PDE5A: variants seen among roughly 807,000 people sequenced by gnomAD.
PDE5A encodes cGMP-specific 3',5'-cyclic phosphodiesterase.
A neutral mutation model predicts 110.2 loss-of-function variants in PDE5A; 67 were observed. That is an observed-to-expected ratio of 0.61 (90% CI 0.50 to 0.75). PDE5A has a LOEUF of 0.75. Ranked by LOEUF, PDE5A falls within the 30% of genes least tolerant of loss-of-function variation. The pLI, the probability that PDE5A is intolerant of heterozygous loss-of-function variation, is 0.00. For synonymous variants in PDE5A, 328 were observed against 351.2 expected (o/e 0.93, Z 0.74); for missense variants, 862 against 1,045.1 (o/e 0.82, Z 2.42).
At chr4:119,558,875 C>T (rs1427545257) in intron 7 of PDE5A, among the ~76,000 whole-genome samples, 1 of 139,262 alleles carries the variant, frequency 7.2e-6, no homozygotes, top group Non-Finnish European at 1.5e-5. Context: ...CGAGATCCCG[C>T]CACTGCACTC....
chr4:119,495,772 TCA>T lies in PDE5A; in HGVS notation c.*2827_*2828del. Reference sequence around the variant, plus strand: ...CAATATACTCAATGAGCTCTAAATCTCACATTCACTAGTGATCTGCAAGTGAA... The same window carrying T: ...CAATATACTCAATGAGCTCTAAATCTCATTCACTAGTGATCTGCAAGTGAA... On this transcript the variant is annotated 3_prime_UTR_variant, in exon 21 of 21. Coordinates refer to ENST00000354960, the MANE Select transcript of PDE5A (RefSeq NM_001083.4). The T allele has an allele frequency of 6.6e-6, 1 of 152,176 alleles. No homozygotes were observed. The highest frequency in any genetic ancestry group is 1.5e-5 in the Non-Finnish European group (1 of 68,024). The allele number at this position is 152,176 out of a possible 1,614,324, so 9.4% of individuals were successfully genotyped here. A position where few individuals can be genotyped will look rare whatever the true frequency, so the allele number is the denominator to read the frequency against.
chr4:119,560,094 A>C (rs1727694016), intron 7 of PDE5A, among the ~76,000 whole-genome samples: 1 of 145,932 alleles, frequency 6.9e-6, no homozygotes, highest in South Asian at 2.1e-4. Flanking sequence ...TAAATACTTA[A>C]CAAAGTAACA....
chr4:119,602,390 T>C (rs4264816), intron 2 of PDE5A, among the ~76,000 whole-genome samples: 148,623 of 152,280 alleles, frequency 0.98, 72,629 homozygotes, highest in East Asian at 1. Context: ...GGTCTTGCAA[T>C]TTTTCTGTGA....
intron 13 of PDE5A, 65 bp downstream of exon 13, chr4:119,520,870 T>G: frequency 5.4e-6 from 7 of 1,303,980 alleles, no homozygotes; most frequent in Non-Finnish European, 6.4e-6. Flanking sequence ...ATTGAAAGAA[T>G]ATGCTATAAA....
chr4:119,502,363 C>A, intron 19 of PDE5A: 1 of 361,584 alleles, frequency 2.8e-6, no homozygotes, highest in Non-Finnish European at 5.0e-6. Flanking sequence ...ACAAAGAACA[C>A]TGATACAATA....
At chr4:119,574,636 A>G (rs1342537712) in intron 3 of PDE5A, among the ~76,000 whole-genome samples, 1 of 113,136 alleles carries the variant, frequency 8.8e-6, no homozygotes, top group Admixed American at 1.0e-4. Context: ...TCAAAATTAT[A>G]ACTCTAAGAA....
intron 3 of PDE5A, among the ~76,000 whole-genome samples, chr4:119,595,875 T>C (rs948431975): frequency 4.6e-5 from 7 of 152,200 alleles, no homozygotes; most frequent in African/African-American, 9.6e-5. Flanking sequence ...ATTGGTAATC[T>C]TTTAGACTTC....
At chr4:119,504,397 A>C in intron 18 of PDE5A, 139 bp downstream of exon 18, 1 of 600,408 alleles carries the variant, frequency 1.7e-6, no homozygotes, top group Middle Eastern at 4.5e-4. Context: ...TTATATAATA[A>C]ATGGTGCTGT....
At chr4:119,570,932 T>C (rs1728119767) in intron 3 of PDE5A, among the ~76,000 whole-genome samples, 1 of 152,194 alleles carries the variant, frequency 6.6e-6, no homozygotes, top group Admixed American at 6.5e-5. Context: ...CCTAGTGCTC[T>C]TTTCAAACTT....
chr4:119,516,049 C>G (rs1725897982), intron 14 of PDE5A, among the ~76,000 whole-genome samples: 1 of 152,194 alleles, frequency 6.6e-6, no homozygotes. Context: ...CTAGCCATCA[C>G]CACTATTCCA....
intron 3 of PDE5A, among the ~76,000 whole-genome samples, chr4:119,573,277 G>C (rs1728204729): frequency 6.6e-6 from 1 of 152,152 alleles, no homozygotes; most frequent in Admixed American, 6.5e-5. Flanking sequence ...AAAGATTACA[G>C]AAATTTATAC....
chr4:119,608,774 CA>C (rs1374546592), intron 1 of PDE5A, among the ~76,000 whole-genome samples: 1 of 152,094 alleles, frequency 6.6e-6, no homozygotes, highest in Non-Finnish European at 1.5e-5. Flanking sequence ...TTATACCAAA[CA>C]AAAGTCCAGG....
At chr4:119,510,982 T>C (rs777855999) in intron 15 of PDE5A, 65 bp downstream of exon 15, 1 of 1,020,636 alleles carries the variant, frequency 9.8e-7, no homozygotes, top group Non-Finnish European at 1.5e-6. Context: ...ATCCAAGAAC[T>C]AAAAATAAAA....
intron 3 of PDE5A, among the ~76,000 whole-genome samples, chr4:119,588,475 C>G (rs991904460): frequency 6.0e-5 from 9 of 150,420 alleles, no homozygotes; most frequent in Admixed American, 5.3e-4. Context: ...CCGCGCCTAG[C>G]CTACCTCTCC....
chr4:119,620,623 G>A (rs535264889), intron 1 of PDE5A, among the ~76,000 whole-genome samples: 16 of 152,056 alleles, frequency 1.1e-4, no homozygotes, highest in Non-Finnish European at 1.8e-4. Context: ...AAACAAGTAT[G>A]TTTTGAAGAT....
At chr4:119,508,611 G>C (rs1203293353) in intron 15 of PDE5A, among the ~76,000 whole-genome samples, 1 of 151,940 alleles carries the variant, frequency 6.6e-6, no homozygotes, top group African/African-American at 2.4e-5. Context: ...TGAAATTGTG[G>C]CATGGATCTA....
At position 119,576,131 on chromosome 4, in the gene PDE5A, A is replaced by G. The variant is rs1318589958; in HGVS notation, c.832-8987T>C. 4.0e-5 allele frequency among the ~76,000 whole-genome samples: 4 copies of G among 100,346 alleles called. No homozygotes were observed. The Admixed American group carries it at 4.6e-4, about 12-fold the overall frequency. 65.8% of individuals were successfully genotyped at this position (100,346 alleles called of 152,430 possible). On this transcript the variant is annotated intron_variant, in intron 3 of 20. Coordinates refer to ENST00000354960, the MANE Select transcript of PDE5A (RefSeq NM_001083.4). The stretch of plus-strand genomic sequence containing the variant: ...GTAAAGGGATCAATTCAACAAGAAG[A>G]GCTAACTATCCTAAATATATATGCA...
intron 9 of PDE5A, among the ~76,000 whole-genome samples, chr4:119,547,379 G>A (rs1209345082): frequency 6.6e-6 from 1 of 151,096 alleles, no homozygotes; most frequent in African/African-American, 2.4e-5. Flanking sequence ...TATTGTGTTT[G>A]CCCATTATCT....
chr4:119,559,893 C>T (rs1727686819), intron 7 of PDE5A, among the ~76,000 whole-genome samples: 1 of 152,182 alleles, frequency 6.6e-6, no homozygotes, highest in African/African-American at 2.4e-5. Context: ...CCCTTGACTA[C>T]TCACTTCATG....
Sources: gnomAD v4.1 joint callset for allele counts (sites outside exome capture counted in the v4.1 genomes callset) on GRCh38, gnomAD v4.1.1 for gene constraint, MANE v1.5 for transcripts, NCBI Gene and HGNC (gene_info 2026-07-23, HGNC 2026-07-21) for gene names.